Variants in SLC6A11 observed in about 807,000 individuals in gnomAD.
SLC6A11 encodes sodium- and chloride-dependent GABA transporter 3.
SLC6A11 carries 25 observed loss-of-function variants against 74.8 expected under a neutral mutation model. That is an observed-to-expected ratio of 0.33 (90% CI 0.24 to 0.47). The LOEUF (loss-of-function observed/expected upper bound fraction) is 0.47. SLC6A11 is among the 20% of genes least tolerant of loss of function. The pLI is 1.00. For missense variants in SLC6A11, 574 were observed against 837.0 expected, an observed-to-expected ratio of 0.69 and a Z score of 3.88; for synonymous variants, 330 against 330.2, an observed-to-expected ratio of 1.00 and a Z score of 0.01.
intron 6 of SLC6A11, among the ~76,000 whole-genome samples, chr3:10,899,536 CT>C (rs1471451890): frequency 6.6e-6 from 1 of 152,204 alleles, no homozygotes; most frequent in Non-Finnish European, 1.5e-5. Flanking sequence ...CCATGAGATT[CT>C]GGAAGATCTA....
intron 6 of SLC6A11, among the ~76,000 whole-genome samples, chr3:10,895,601 G>A (rs1695161067): frequency 6.6e-6 from 1 of 152,190 alleles, no homozygotes; most frequent in African/African-American, 2.4e-5. Context: ...CCTGTTGGGG[G>A]GATAGCGGGA....
chr3:10,901,166 C>T (rs1177752579), intron 6 of SLC6A11, among the ~76,000 whole-genome samples: 4 of 152,188 alleles, frequency 2.6e-5, no homozygotes, highest in South Asian at 2.1e-4. Context: ...TAGGAATTGC[C>T]GTCTTCAGGC....
chr3:10,878,242 T>G (rs1168805315), intron 6 of SLC6A11, among the ~76,000 whole-genome samples: 1 of 152,066 alleles, frequency 6.6e-6, no homozygotes, highest in East Asian at 1.9e-4. Context: ...ACTCTCCCCC[T>G]CTTTCAGCTC....
chr3:10,821,226 G>A (rs897400984), intron 3 of SLC6A11, among the ~76,000 whole-genome samples: 9 of 152,170 alleles, frequency 5.9e-5, no homozygotes, highest in African/African-American at 2.2e-4. Context: ...TTATTTTGAG[G>A]ATACTCTAAA....
intron 8 of SLC6A11, among the ~76,000 whole-genome samples, chr3:10,925,382 T>G (rs1695589762): frequency 6.6e-6 from 1 of 152,246 alleles, no homozygotes; most frequent in South Asian, 2.1e-4. Context: ...GCCACCTGGC[T>G]ACAGAGCCTG....
chr3:10,916,104 C>A (rs886388068), intron 7 of SLC6A11, among the ~76,000 whole-genome samples: 5 of 152,166 alleles, frequency 3.3e-5, no homozygotes, highest in Non-Finnish European at 5.9e-5. Flanking sequence ...CATCCAATGT[C>A]CACTATTTGA....
At position 10,940,575 on chromosome 3, in the gene SLC6A11, T is replaced by C. The variant is rs556395144; in HGVS notation, c.*2173T>C. 1 of 152,262 alleles carries C rather than the reference T, an allele frequency of 6.6e-6. No homozygotes were observed. The highest frequency in any genetic ancestry group is 2.1e-4 in the South Asian group (1 of 4,808). 9.4% of individuals were successfully genotyped at this position (152,262 alleles called of 1,614,324 possible). On this transcript the variant is annotated 3_prime_UTR_variant, in exon 14 of 14. Coordinates refer to ENST00000254488, the MANE Select transcript of SLC6A11 (RefSeq NM_014229.3). ...TTTGATATTCATTAGAAACAATACA[T>C]CCTTTCTGAGATATTTACAGTATTA...
chr3:10,867,716 C>T (rs1048396709), intron 5 of SLC6A11, among the ~76,000 whole-genome samples: 1 of 152,248 alleles, frequency 6.6e-6, no homozygotes, highest in African/African-American at 2.4e-5. Context: ...TGAACCCAGA[C>T]TGCAGAGCAT....
At chr3:10,831,987 A>G (rs1694304597) in intron 4 of SLC6A11, among the ~76,000 whole-genome samples, 1 of 152,250 alleles carries the variant, frequency 6.6e-6, no homozygotes, top group Non-Finnish European at 1.5e-5. Flanking sequence ...AGATGTTGAG[A>G]AGAAGCTAGT....
intron 5 of SLC6A11, among the ~76,000 whole-genome samples, chr3:10,854,445 A>G (rs1694614151): frequency 6.6e-6 from 1 of 152,130 alleles, no homozygotes; most frequent in African/African-American, 2.4e-5. Flanking sequence ...CAATCCCACC[A>G]CCATACATTC....
chr3:10,884,124 G>C (rs575332001), intron 6 of SLC6A11, among the ~76,000 whole-genome samples: 2 of 152,292 alleles, frequency 1.3e-5, no homozygotes, highest in South Asian at 4.1e-4. Context: ...TGTAATTAGA[G>C]ATGCATCACT....
At chr3:10,887,298 T>TGATGGATG (rs113426564) in intron 6 of SLC6A11, among the ~76,000 whole-genome samples, 3,555 of 143,956 alleles carry the variant, frequency 0.025, 120 homozygotes, top group African/African-American at 0.075. Context: ...GATAAATGGA[T>TGATGGATG]GATGGATGGA....
chr3:10,856,850 A>C (rs1396540439), intron 5 of SLC6A11, among the ~76,000 whole-genome samples: 2 of 152,202 alleles, frequency 1.3e-5, no homozygotes, highest in Non-Finnish European at 2.9e-5. Flanking sequence ...CCTTGGGCAC[A>C]GGCCTTCTTT....
intron 8 of SLC6A11, among the ~76,000 whole-genome samples, chr3:10,919,936 T>C (rs1695513675): frequency 6.6e-6 from 1 of 152,192 alleles, no homozygotes; most frequent in South Asian, 2.1e-4. Flanking sequence ...ATCAAACTCA[T>C]GTACTTCCCA....
chr3:10,920,592 A>T (rs542208800), intron 8 of SLC6A11, among the ~76,000 whole-genome samples: 1 of 152,328 alleles, frequency 6.6e-6, no homozygotes, highest in East Asian at 1.9e-4. Context: ...ATACTACCTC[A>T]TGAAATGCTC....
In SLC6A11 at chr3:10,827,967, C is replaced by A. The variant is rs544625782; in HGVS notation, c.623+4575C>A. On this transcript the variant is annotated intron_variant, in intron 4 of 13. Coordinates refer to ENST00000254488, the MANE Select transcript of SLC6A11 (RefSeq NM_014229.3). The stretch of plus-strand genomic sequence containing the variant: ...GACTCTTATGGGGGTCCTACAGGGC[C>A]AGGGATGCTTGTCTTCCTAATGTCA... Among the ~76,000 whole-genome samples, 29 of 152,308 alleles carry A rather than the reference C, an allele frequency of 1.9e-4. No individual in the cohort carries two copies. In the Middle Eastern group the frequency reaches 0.01, roughly 54 times the overall value.
chr3:10,873,862 C>T (rs938176766), intron 5 of SLC6A11, among the ~76,000 whole-genome samples: 3 of 152,076 alleles, frequency 2.0e-5, no homozygotes, highest in African/African-American at 7.2e-5. Context: ...GCTATGCTAC[C>T]CTATCCTATG....
intron 5 of SLC6A11, among the ~76,000 whole-genome samples, chr3:10,859,327 T>TG (rs2106593450): frequency 6.6e-6 from 1 of 152,282 alleles, no homozygotes; most frequent in African/African-American, 2.4e-5. Context: ...CTGGCTTGAG[T>TG]GCCCAGTGCT....
At chr3:10,923,414 C>A (rs556903585) in intron 8 of SLC6A11, among the ~76,000 whole-genome samples, 2 of 152,110 alleles carry the variant, frequency 1.3e-5, no homozygotes, top group Non-Finnish European at 2.9e-5. Flanking sequence ...CCTGAAGGAA[C>A]TCCCAATGGT....
Sources: allele counts gnomAD v4.1 joint callset (sites outside exome capture counted in the v4.1 genomes callset), GRCh38; gene constraint gnomAD v4.1.1; transcripts MANE v1.5; gene names NCBI Gene and HGNC (gene_info 2026-07-23, HGNC 2026-07-21).